The following ADCY2 variants were observed in gnomAD, a reference collection of about 807,000 sequenced individuals.
The protein encoded by ADCY2 is adenylate cyclase type 2.
In ADCY2, 31 loss-of-function variants were observed where a neutral mutation model predicts 125.2. That is an observed-to-expected ratio of 0.25 (90% CI 0.19 to 0.33). The LOEUF is 0.33. Among genes scored for constraint, ADCY2 ranks in the 10% least tolerant of loss-of-function variants. The pLI is 1.00. For synonymous variants in ADCY2, 512 were observed against 548.4 expected (o/e 0.93, Z 0.93); for missense variants, 904 against 1,418.2 (o/e 0.64, Z 5.82).
At chr5:7,807,393 T>G (rs958612266) in intron 22 of ADCY2, among the ~76,000 whole-genome samples, 1 of 152,192 alleles carries the variant, frequency 6.6e-6, no homozygotes, top group Non-Finnish European at 1.5e-5. Flanking sequence ...CTACTCTTAA[T>G]GACCAAAAAA....
At chr5:7,804,067 A>AGC (rs1744685754) in intron 21 of ADCY2, among the ~76,000 whole-genome samples, 1 of 146,802 alleles carries the variant, frequency 6.8e-6, no homozygotes, top group Non-Finnish European at 1.5e-5. Flanking sequence ...AGAGAGAGAG[A>AGC]GAGAGAGCTG....
intron 20 of ADCY2, among the ~76,000 whole-genome samples, chr5:7,791,042 GT>G (rs35003423): frequency 0.51 from 77,688 of 151,180 alleles, 21,960 homozygotes; most frequent in East Asian, 0.67. Context: ...TTTCTGGTCA[GT>G]TTTTTTTTGG....
At position 7,646,330 on chromosome 5, in the gene ADCY2, AAT is replaced by A. The variant is rs200577244; in HGVS notation, c.720+20028_720+20029del. Among the ~76,000 whole-genome samples the A allele has an allele frequency of 1.1e-3, 162 of 149,088 alleles. 1 individual carries two copies. The East Asian group carries it at 0.013, about 12-fold the overall frequency. On this transcript the variant is annotated intron_variant, in intron 4 of 24. Coordinates refer to ENST00000338316, the MANE Select transcript of ADCY2 (RefSeq NM_020546.3). ...AACTTATTATTTATATATATAAAGA[AAT>A]ATATATATATATAGTACAAATACAC...
rs768612355 is a variant in ADCY2 at position 7,812,706 on chromosome 5, G to C, written c.2884-4160G>C. 2.6e-5 allele frequency among the ~76,000 whole-genome samples: 4 copies of C among 152,138 alleles called. 1 individual carries two copies. Among genetic ancestry groups the C allele is most frequent in the African/African-American group, 7.2e-5 (3 of 41,422 alleles). ...GCGGATCACCTGAGCTCAGGAGTGC[G>C]AGACCAACCTGGCCAACACGGTGAA... On this transcript the variant is annotated intron_variant, in intron 22 of 24. Transcript: ENST00000338316.
At chr5:7,562,970 C>G (rs1389209816) in intron 3 of ADCY2, among the ~76,000 whole-genome samples, 3 of 151,960 alleles carry the variant, frequency 2.0e-5, no homozygotes, top group Non-Finnish European at 4.4e-5. Context: ...TTTTTAAATT[C>G]TGTATCTCAG....
chr5:7,725,905 A>G (rs1361667226), intron 13 of ADCY2, among the ~76,000 whole-genome samples: 1 of 152,216 alleles, frequency 6.6e-6, no homozygotes, highest in Non-Finnish European at 1.5e-5. Context: ...TTCCCCATGT[A>G]CACATATTTG....
intron 20 of ADCY2, chr5:7,801,995 C>A: frequency 2.1e-6 from 1 of 486,042 alleles, no homozygotes; most frequent in South Asian, 3.9e-5. Flanking sequence ...ACTGGCAAGG[C>A]ACCTCTTCTT....
At chr5:7,441,124 G>GA (rs1201703087) in intron 2 of ADCY2, among the ~76,000 whole-genome samples, 3 of 151,120 alleles carry the variant, frequency 2.0e-5, no homozygotes, top group Admixed American at 6.6e-5. Context: ...TTGAATGCCT[G>GA]AAAAAAAAAT....
intron 2 of ADCY2, among the ~76,000 whole-genome samples, chr5:7,454,577 G>T (rs1021239007): frequency 1.3e-5 from 2 of 152,096 alleles, no homozygotes; most frequent in Non-Finnish European, 2.9e-5. Flanking sequence ...TCTGGCAAAA[G>T]ATTTTTATAG....
At chr5:7,401,343 A>G (rs1000538661) in intron 1 of ADCY2, among the ~76,000 whole-genome samples, 3 of 152,176 alleles carry the variant, frequency 2.0e-5, no homozygotes, top group Non-Finnish European at 4.4e-5. Flanking sequence ...CATCTCTTCA[A>G]GGTCATGCAA....
intron 2 of ADCY2, among the ~76,000 whole-genome samples, chr5:7,479,649 A>G (rs1238414751): frequency 4.0e-5 from 6 of 151,096 alleles, no homozygotes; most frequent in African/African-American, 1.2e-4. Flanking sequence ...TTTTTTTACT[A>G]TAGTCACCCT....
At chr5:7,514,704 G>A (rs1483444803) in intron 2 of ADCY2, among the ~76,000 whole-genome samples, 3 of 152,200 alleles carry the variant, frequency 2.0e-5, no homozygotes, top group Non-Finnish European at 2.9e-5. Context: ...GGTCTTTATA[G>A]CAAGAGGGAA....
intron 1 of ADCY2, among the ~76,000 whole-genome samples, chr5:7,397,779 G>C (rs1739118241): frequency 6.6e-6 from 1 of 152,110 alleles, no homozygotes; most frequent in South Asian, 2.1e-4. Flanking sequence ...AATAGAAATA[G>C]AATGTAGGAG....
intron 14 of ADCY2, among the ~76,000 whole-genome samples, chr5:7,735,008 C>A (rs140640002): frequency 1.2e-3 from 181 of 152,274 alleles, no homozygotes; most frequent in African/African-American, 4.2e-3. Context: ...ACCTTCATGA[C>A]CCAGTCACCT....
chr5:7,707,609 T>C, intron 8 of ADCY2, 97 bp from the exon 9 acceptor site: 10 of 1,444,488 alleles, frequency 6.9e-6, no homozygotes, highest in Non-Finnish European at 9.5e-6. Context: ...CTAAGAACTT[T>C]AGTGGATAAA....
At chr5:7,557,201 A>ATATATATAT in intron 3 of ADCY2, among the ~76,000 whole-genome samples, 2 of 140,048 alleles carry the variant, frequency 1.4e-5, no homozygotes, top group Admixed American at 7.1e-5. Flanking sequence ...TGATATATAT[A>ATATATATAT]ACTCAAGTGA....
intron 2 of ADCY2, among the ~76,000 whole-genome samples, chr5:7,415,278 G>A (rs925917249): frequency 1.4e-4 from 21 of 152,106 alleles, no homozygotes; most frequent in Non-Finnish European, 2.2e-4. Context: ...GAGAACAAAG[G>A]CTTTTGAAAT....
At chr5:7,700,816 ACTC>A (rs1421501000) in intron 7 of ADCY2, among the ~76,000 whole-genome samples, 1 of 149,506 alleles carries the variant, frequency 6.7e-6, no homozygotes, top group African/African-American at 2.5e-5. Flanking sequence ...TCCATAGAAA[ACTC>A]CTGCATGCTT....
chr5:7,764,054 C>T (rs1423217773), intron 16 of ADCY2, among the ~76,000 whole-genome samples: 1 of 152,280 alleles, frequency 6.6e-6, no homozygotes, highest in Non-Finnish European at 1.5e-5. Flanking sequence ...AGAGAACTGG[C>T]TTTTTAAATC....
Sources: gnomAD v4.1 joint callset for allele counts (sites outside exome capture counted in the v4.1 genomes callset) on GRCh38, gnomAD v4.1.1 for gene constraint, MANE v1.5 for transcripts, NCBI Gene and HGNC (gene_info 2026-07-23, HGNC 2026-07-21) for gene names.